DIP2C: variants seen among roughly 807,000 people sequenced by gnomAD.
DIP2C encodes the protein DIP2 acetate--CoA ligase C (putative), also known as disco-interacting protein 2 homolog C.
A neutral mutation model predicts 192.4 loss-of-function variants in DIP2C; 33 were observed. The ratio of observed to expected loss-of-function variants is 0.17; its 90% CI spans 0.13 to 0.23. DIP2C has a LOEUF of 0.23. DIP2C is among the 10% of genes least tolerant of loss of function. The pLI is 1.00. For synonymous variants in DIP2C, 979 were observed against 864.1 expected (o/e 1.13, Z -2.33); for missense variants, 1,537 against 2,110.1 (o/e 0.73, Z 5.32).
At chr10:684,761 C>A (rs768665864) in intron 1 of DIP2C, among the ~76,000 whole-genome samples, 1 of 152,196 alleles carries the variant, frequency 6.6e-6, no homozygotes, top group Non-Finnish European at 1.5e-5. Context: ...ATTTTAGGAT[C>A]CCCTCTTTGG....
intron 1 of DIP2C, among the ~76,000 whole-genome samples, chr10:499,578 G>A (rs556065020): frequency 3.3e-5 from 5 of 152,316 alleles, no homozygotes; most frequent in Admixed American, 2.6e-4. Context: ...TATAATATCT[G>A]ACAGAGCAGC....
chr10:526,786 C>T (rs942399137), intron 1 of DIP2C, among the ~76,000 whole-genome samples: 7 of 152,190 alleles, frequency 4.6e-5, no homozygotes, highest in South Asian at 2.1e-4. Flanking sequence ...GCACTGTGTG[C>T]CTCTTCTTTC....
At chr10:558,605 G>C (rs12255632) in intron 1 of DIP2C, among the ~76,000 whole-genome samples, 1 of 151,908 alleles carries the variant, frequency 6.6e-6, no homozygotes, top group Non-Finnish European at 1.5e-5. Context: ...ATCGCGTCTC[G>C]GGGAAAGGCA....
intron 1 of DIP2C, among the ~76,000 whole-genome samples, chr10:686,771 C>A (rs1237568368): frequency 6.6e-6 from 1 of 152,264 alleles, no homozygotes; most frequent in East Asian, 1.9e-4. Flanking sequence ...GGCCCCGCAG[C>A]AGGAAGTGCC....
chr10:601,558 T>C (rs1852074814), intron 1 of DIP2C, among the ~76,000 whole-genome samples: 1 of 152,208 alleles, frequency 6.6e-6, no homozygotes, highest in Admixed American at 6.5e-5. Flanking sequence ...GAATTCCCAC[T>C]TCTGGAAACA....
chr10:552,461 C>T lies in DIP2C; in HGVS notation c.86-65931G>A, dbSNP rs183347662. 1.8e-4 allele frequency among the ~76,000 whole-genome samples: 27 copies of T among 152,314 alleles called. No homozygotes were observed. The East Asian group carries it at 4.4e-3, about 25-fold the overall frequency. Reference sequence around the variant, plus strand: ...CTTCCTTATTATTCGAATACATTAACTATATTTAAGTGTTCTCATAGACTA... The same window carrying T: ...CTTCCTTATTATTCGAATACATTAATTATATTTAAGTGTTCTCATAGACTA... On this transcript the variant is annotated intron_variant, in intron 1 of 36. Transcript: ENST00000280886.
chr10:449,784 A>T (rs895404919), intron 3 of DIP2C, among the ~76,000 whole-genome samples: 19 of 114,586 alleles, frequency 1.7e-4, no homozygotes, highest in Non-Finnish European at 3.3e-4. Flanking sequence ...AGTATAATTA[A>T]AAAAAAAAAA....
intron 1 of DIP2C, among the ~76,000 whole-genome samples, chr10:515,889 C>A (rs2094683341): frequency 6.6e-6 from 1 of 152,164 alleles, no homozygotes; most frequent in South Asian, 2.1e-4. Flanking sequence ...CATCAACCCA[C>A]AGAAACTCCT....
intron 29 of DIP2C, among the ~76,000 whole-genome samples, chr10:336,895 G>GGTGTGTGT (rs112539860): frequency 0.028 from 2,607 of 91,740 alleles, 410 homozygotes; most frequent in Non-Finnish European, 0.05. Context: ...GGCCTAGGCA[G>GGTGTGTGT]GTGTGTGTGT....
chr10:368,307 G>C (rs1163704758), intron 18 of DIP2C, among the ~76,000 whole-genome samples: 1 of 152,272 alleles, frequency 6.6e-6, no homozygotes, highest in Non-Finnish European at 1.5e-5. Flanking sequence ...TCACAAAGGA[G>C]CATTTTCATT....
intron 1 of DIP2C, among the ~76,000 whole-genome samples, chr10:565,986 T>TG: frequency 6.6e-6 from 1 of 152,072 alleles, no homozygotes; most frequent in Non-Finnish European, 1.5e-5. Flanking sequence ...CTTGGACTCC[T>TG]GCAAAGGCCG....
At chr10:605,828 G>A (rs1426405947) in intron 1 of DIP2C, among the ~76,000 whole-genome samples, 1 of 152,222 alleles carries the variant, frequency 6.6e-6, no homozygotes, top group Middle Eastern at 3.2e-3. Context: ...AAGAAAGGAG[G>A]AAGCGTCCTC....
At chr10:561,930 C>T (rs1588466327) in intron 1 of DIP2C, among the ~76,000 whole-genome samples, 3 of 152,268 alleles carry the variant, frequency 2.0e-5, no homozygotes, top group African/African-American at 7.2e-5. Flanking sequence ...TCGGTGTCAG[C>T]AGTGCGGCTC....
Position 422,705 on chromosome 10 carries a change from C to G in DIP2C, c.604+119G>C, listed in dbSNP as rs534423006. 5.4e-5 allele frequency: 68 copies of G among 1,251,398 alleles called. No homozygotes were observed. In the Admixed American group the frequency reaches 8.9e-4, roughly 16 times the overall value. The allele number at this position is 1,251,398 out of a possible 1,614,324, so 77.5% of individuals were successfully genotyped here. On this transcript the variant is annotated intron_variant, in intron 5 of 36. Transcript: ENST00000280886. The stretch of plus-strand genomic sequence containing the variant: ...AATCCAGCCAAAGCACCCCAGGGGC[C>G]AGAGGAGCTCTGTGCTCTTTCCACC...
chr10:343,755 GT>G (rs1265964205), intron 28 of DIP2C, among the ~76,000 whole-genome samples: 1 of 152,216 alleles, frequency 6.6e-6, no homozygotes, highest in Non-Finnish European at 1.5e-5. Context: ...CTGCTGCTCT[GT>G]GCAAAGCACT....
At chr10:336,024 A>G (rs927835886) in intron 29 of DIP2C, among the ~76,000 whole-genome samples, 1 of 152,092 alleles carries the variant, frequency 6.6e-6, no homozygotes, top group Admixed American at 6.5e-5. Flanking sequence ...CAGCCTCCCA[A>G]GTAGTTGGGA....
intron 1 of DIP2C, among the ~76,000 whole-genome samples, chr10:594,636 C>T (rs866146025): frequency 4.6e-5 from 7 of 151,012 alleles, no homozygotes; most frequent in South Asian, 2.1e-4. Context: ...CTGGAGGGCA[C>T]GTGGTGCTTT....
chr10:592,836 T>TCC (rs1175432613), intron 1 of DIP2C, among the ~76,000 whole-genome samples: 1 of 151,522 alleles, frequency 6.6e-6, no homozygotes, highest in Non-Finnish European at 1.5e-5. Flanking sequence ...GTACGAGCCG[T>TCC]CCCTGCTCGT....
chr10:404,031 C>T (rs1964617673), intron 9 of DIP2C, among the ~76,000 whole-genome samples: 2 of 147,242 alleles, frequency 1.4e-5, no homozygotes, highest in African/African-American at 2.5e-5. Flanking sequence ...GTAGCATTAG[C>T]ATTACTCTTC....
Sources: gnomAD v4.1 joint callset for allele counts (sites outside exome capture counted in the v4.1 genomes callset) on GRCh38, gnomAD v4.1.1 for gene constraint, MANE v1.5 for transcripts, NCBI Gene and HGNC (gene_info 2026-07-23, HGNC 2026-07-21) for gene names.